Variants in RIN3 observed in about 807,000 individuals in gnomAD.
RIN3 encodes Ras and Rab interactor 3, also known as RAB5 interacting protein 3.
A neutral mutation model predicts 76.3 loss-of-function variants in RIN3; 54 were observed. That is an observed-to-expected ratio of 0.71 (90% CI 0.57 to 0.89). The LOEUF (loss-of-function observed/expected upper bound fraction) is 0.89, where lower values mean the gene tolerates loss of function less well. Ranked by LOEUF, RIN3 falls within the 40% of genes least tolerant of loss-of-function variation. The pLI is 0.00. For synonymous variants in RIN3, 576 were observed against 564.0 expected (o/e 1.02, Z -0.30); for missense variants, 1,256 against 1,322.1 (o/e 0.95, Z 0.78).
chr14:92,633,618 C>CT (rs1281971355), intron 4 of RIN3, among the ~76,000 whole-genome samples: 10 of 152,348 alleles, frequency 6.6e-5, no homozygotes, highest in South Asian at 4.1e-4. Context: ...TCTGCAGAGT[C>CT]TAACTCTACA....
chr14:92,688,034 G>A lies in RIN3; in HGVS notation c.2740G>A (p.Ala914Thr), dbSNP rs771488498. ...GTGCGCGCAGTGCGCGGAGAAGTTC[G>A]CGGTGGAGCGGCCGCAGGCGCACCG... is the stretch of plus-strand genomic sequence containing the variant. ...ALCAQCAEKF[A>T]VERPQAHRLF... Residue 914 changes from alanine to threonine, a missense_variant, in exon 10 of 10, where the codon GCG becomes ACG. Coordinates refer to ENST00000216487, the MANE Select transcript of RIN3 (RefSeq NM_024832.5). The A allele has an allele frequency of 1.9e-6, 3 of 1,594,934 alleles. No individual in the cohort carries two copies. The highest frequency in any genetic ancestry group is 8.5e-7 in the Non-Finnish European group (1 of 1,172,512).
intron 7 of RIN3, among the ~76,000 whole-genome samples, 171 bp from the exon 8 acceptor site, chr14:92,676,291 CGGGCCTCCTGAGG>C: frequency 1.3e-5 from 2 of 152,154 alleles, no homozygotes; most frequent in East Asian, 3.9e-4. Flanking sequence ...GACTGTTTCT[CGGGCCTCCTGAGG>C]AGGCTGCTCC....
At chr14:92,686,961 C>A (rs1429002101) in intron 9 of RIN3, 1 of 152,254 alleles carries the variant, frequency 6.6e-6, no homozygotes, top group Non-Finnish European at 1.5e-5. Context: ...TTGACAGGAG[C>A]CCGGCCTCGC....
rs546791909 is a variant in RIN3, at chr14:92,627,118, A to G, written c.440+11639A>G. ...GAGACCTAGAGGACTATCAGAGGGG[A>G]TCTGACTATCCCCGTCCTTACCTTT... On this transcript the variant is annotated intron_variant, in intron 4 of 9. Coordinates refer to ENST00000216487, the MANE Select transcript of RIN3 (RefSeq NM_024832.5). 2.4e-3 allele frequency among the ~76,000 whole-genome samples: 372 copies of G among 152,172 alleles called. 2 individuals are homozygous for G. The highest frequency in any genetic ancestry group is 4.8e-3 in the Non-Finnish European group (323 of 67,998).
At chr14:92,543,235 T>G (rs771280313) in intron 1 of RIN3, among the ~76,000 whole-genome samples, 1 of 151,028 alleles carries the variant, frequency 6.6e-6, no homozygotes, top group Non-Finnish European at 1.5e-5. Flanking sequence ...CAAGCCATGT[T>G]CACATAGTTT....
intron 1 of RIN3, among the ~76,000 whole-genome samples, chr14:92,551,756 G>T (rs934154823): frequency 3.3e-5 from 5 of 152,130 alleles, no homozygotes; most frequent in Non-Finnish European, 5.9e-5. Context: ...CTTCTTCTTT[G>T]AAGTATCTGT....
chr14:92,539,298 ATACT>A (rs1404141542), intron 1 of RIN3, among the ~76,000 whole-genome samples: 3 of 152,168 alleles, frequency 2.0e-5, no homozygotes, highest in African/African-American at 7.2e-5. Flanking sequence ...GGGCGAATAA[ATACT>A]TACTGGGTGA....
intron 1 of RIN3, among the ~76,000 whole-genome samples, chr14:92,519,513 G>A (rs1896535493): frequency 6.6e-6 from 1 of 152,178 alleles, no homozygotes; most frequent in African/African-American, 2.4e-5. Context: ...TGGAGGTGCT[G>A]AGGAGATCGC....
intron 7 of RIN3, among the ~76,000 whole-genome samples, chr14:92,671,890 A>G (rs2140164406): frequency 6.6e-6 from 1 of 152,316 alleles, no homozygotes; most frequent in Non-Finnish European, 1.5e-5. Context: ...GCAGGTCACA[A>G]GGGGCCGCAT....
rs1253088131 is a variant in RIN3, at chr14:92,643,533, T to C, written c.532+2204T>C. On this transcript the variant is annotated intron_variant, in intron 5 of 9. Transcript: ENST00000216487. The surrounding 1 kb of genome is among the most constrained non-coding windows in gnomAD (Gnocchi z 4.8). ...TGGGACAGGTGACAGTTTTGTAATT[T>C]GCACTTTTGTAAGGTGCAGATGACC... 6.6e-6 allele frequency among the ~76,000 whole-genome samples: 1 copy of C among 152,376 alleles called. No individual in the cohort carries two copies. Among genetic ancestry groups the C allele is most frequent in the East Asian group, 1.9e-4 (1 of 5,194 alleles).
At chr14:92,608,958 T>C (rs1419754329) in intron 3 of RIN3, among the ~76,000 whole-genome samples, 2 of 152,168 alleles carry the variant, frequency 1.3e-5, no homozygotes, top group Non-Finnish European at 2.9e-5. Flanking sequence ...TCTTTAGTGA[T>C]GATTTCTGAG....
chr14:92,604,669 G>A (rs1885461322), intron 3 of RIN3, among the ~76,000 whole-genome samples: 1 of 151,992 alleles, frequency 6.6e-6, no homozygotes, highest in African/African-American at 2.4e-5. Context: ...CATTCCATAA[G>A]CATGCATATT....
intron 4 of RIN3, among the ~76,000 whole-genome samples, chr14:92,634,185 C>G (rs535513493): frequency 6.7e-6 from 1 of 150,156 alleles, no homozygotes; most frequent in Non-Finnish European, 1.5e-5. Flanking sequence ...AGCAATTCTC[C>G]TGCCTCAGCC....
Position 92,513,861 on chromosome 14 carries a change from G to A in RIN3, c.-72G>A. On this transcript the variant is annotated 5_prime_UTR_variant, in exon 1 of 10. Coordinates refer to ENST00000216487, the MANE Select transcript of RIN3 (RefSeq NM_024832.5). ...GGGCCAGAGCCAGGGACATGCGGGC[G>A]CCCGGGACTCCGCGTTCCGCGCGGC... The A allele has an allele frequency of 1.8e-6, 2 of 1,137,420 alleles. No individual in the cohort carries two copies. Among genetic ancestry groups the A allele is most frequent in the Non-Finnish European group, 2.2e-6 (2 of 897,890 alleles). 70.5% of individuals were successfully genotyped at this position (1,137,420 alleles called of 1,614,324 possible). A position where few individuals can be genotyped will look rare whatever the true frequency, so the allele number is the denominator to read the frequency against.
At chr14:92,682,494 G>A (rs1329295843) in intron 8 of RIN3, among the ~76,000 whole-genome samples, 1 of 152,246 alleles carries the variant, frequency 6.6e-6, no homozygotes, top group Non-Finnish European at 1.5e-5. Flanking sequence ...AGGGAACTAT[G>A]GGCCCAGCTC....
At chr14:92,551,478 G>A (rs1038016494) in intron 1 of RIN3, among the ~76,000 whole-genome samples, 2 of 152,252 alleles carry the variant, frequency 1.3e-5, no homozygotes, top group East Asian at 3.9e-4. Context: ...GAGTGGAATC[G>A]CTGGGCCATA....
At chr14:92,541,463 G>A (rs1036130057) in intron 1 of RIN3, among the ~76,000 whole-genome samples, 2 of 152,156 alleles carry the variant, frequency 1.3e-5, no homozygotes, top group Admixed American at 6.5e-5. Context: ...CATTATACTC[G>A]GATAAAAGCA....
chr14:92,657,412 C>T (rs1887712462), intron 6 of RIN3, among the ~76,000 whole-genome samples: 1 of 151,640 alleles, frequency 6.6e-6, no homozygotes, highest in Non-Finnish European at 1.5e-5. Context: ...GCTTAGGGTG[C>T]TTCTGGTTTG....
chr14:92,659,548 A>C (rs1225309374), intron 7 of RIN3, 79 bp downstream of exon 7: 2 of 1,371,058 alleles, frequency 1.5e-6, no homozygotes, highest in South Asian at 2.8e-5. Context: ...CCAGGACTCC[A>C]GAGCCCTTGG....
Sources: gnomAD v4.1 joint callset for allele counts (sites outside exome capture counted in the v4.1 genomes callset) on GRCh38, gnomAD v4.1.1 for gene constraint, Gnocchi (gnomAD v3.1) non-coding constraint, MANE v1.5 for transcripts, NCBI Gene and HGNC (gene_info 2026-07-23, HGNC 2026-07-21) for gene names.